The following ARSF variants were observed in gnomAD, a reference collection of about 807,000 sequenced individuals.
The protein encoded by ARSF is arylsulfatase F.
A neutral mutation model predicts 35.4 loss-of-function variants in ARSF; 33 were observed. The observed-to-expected ratio is 0.93, with a 90% CI of 0.71 to 1.25. The LOEUF (loss-of-function observed/expected upper bound fraction) is 1.25. ARSF is among the 50% of genes most tolerant of loss of function. ARSF has a pLI of 0.00. For missense variants in ARSF, 501 were observed against 480.2 expected, an observed-to-expected ratio of 1.04 and a Z score of -0.40; for synonymous variants, 222 against 193.1, an observed-to-expected ratio of 1.15 and a Z score of -1.24.
chrX:3,047,058 C>T (rs1162714723), intron 1 of ARSF, among the ~76,000 whole-genome samples: 1 of 111,303 alleles, frequency 9.0e-6, no homozygotes, highest in Admixed American at 9.5e-5. Context: ...GTGCGGCCCG[C>T]GGGCCGTGGA....
intron 7 of ARSF, among the ~76,000 whole-genome samples, chrX:3,099,458 C>T (rs926242979): frequency 9.0e-6 from 1 of 111,127 alleles, no homozygotes; most frequent in Non-Finnish European, 1.9e-5. Flanking sequence ...AATTCAAAGA[C>T]CTTGACATTT....
chrX:3,071,970 A>G (rs1465748132), intron 2 of ARSF, 56 bp from the exon 3 acceptor site: 1 of 1,173,011 alleles, frequency 8.5e-7, no homozygotes, highest in African/African-American at 1.8e-5. Flanking sequence ...TGGGAGGTGG[A>G]TCCTGAATCC....
At chrX:3,062,839 G>A (rs1329719334) in intron 1 of ARSF, among the ~76,000 whole-genome samples, 2 of 111,355 alleles carry the variant, frequency 1.8e-5, no homozygotes, top group Non-Finnish European at 3.8e-5. Flanking sequence ...AAAAGTCCAG[G>A]ACCAGATGGA....
chrX:3,091,874 T>C (rs969832921), intron 7 of ARSF, among the ~76,000 whole-genome samples: 7 of 110,252 alleles, frequency 6.3e-5, no homozygotes, highest in Non-Finnish European at 1.1e-4. Flanking sequence ...GATAGATAGA[T>C]GATAAATAGA....
At chrX:3,042,518 A>T (rs930291834) in intron 1 of ARSF, among the ~76,000 whole-genome samples, 10 of 111,047 alleles carry the variant, frequency 9.0e-5, no homozygotes, top group African/African-American at 3.3e-4. Flanking sequence ...ATTTTTTGAG[A>T]TGGAGCCTCG....
intron 1 of ARSF, among the ~76,000 whole-genome samples, chrX:3,066,462 C>A (rs950887234): frequency 9.0e-6 from 1 of 111,633 alleles, no homozygotes; most frequent in Non-Finnish European, 1.9e-5. Flanking sequence ...CTGCTATAGA[C>A]CATGAGGTCA....
rs771789596 is a variant in ARSF, at chrX:3,078,643, G to A, written c.283+1974G>A. Among the ~76,000 whole-genome samples the A allele has an allele frequency of 4.5e-5, 5 of 110,659 alleles. No individual in the cohort carries two copies. The South Asian group carries it at 1.2e-3, about 26-fold the overall frequency. On this transcript the variant is annotated intron_variant, in intron 4 of 10. Coordinates refer to ENST00000381127, the MANE Select transcript of ARSF (RefSeq NM_001201539.2). The stretch of plus-strand genomic sequence containing the variant: ...GCCTCCTGAGTAGCTGAGATTACAG[G>A]TACCCGCCACCATGCCCAGCTAATT...
At chrX:3,102,664 C>G (rs188283074) in intron 8 of ARSF, among the ~76,000 whole-genome samples, 1 of 112,221 alleles carries the variant, frequency 8.9e-6, no homozygotes, top group African/African-American at 3.2e-5. Context: ...CCTGTAATCC[C>G]AGCACTTTGG....
intron 1 of ARSF, among the ~76,000 whole-genome samples, chrX:3,047,489 A>AT (rs1358841136): frequency 9.0e-6 from 1 of 110,991 alleles, no homozygotes; most frequent in African/African-American, 3.3e-5. Context: ...GATATGCTTA[A>AT]TTTTTAAATG....
At chrX:3,061,471 A>G (rs1225309407) in intron 1 of ARSF, among the ~76,000 whole-genome samples, 1 of 111,804 alleles carries the variant, frequency 8.9e-6, no homozygotes, top group Non-Finnish European at 1.9e-5. Flanking sequence ...TTAAATGTAA[A>G]TGGGTTAACT....
chrX:3,055,342 C>CAAAAAAAAAAAAAAAAAAA (rs770014108), intron 1 of ARSF, among the ~76,000 whole-genome samples: 4 of 32,442 alleles, frequency 1.2e-4, no homozygotes, highest in Admixed American at 4.0e-4. Context: ...AACTCCATTT[C>CAAAAAAAAAAAAAAAAAAA]AAAAAAAAAA....
chrX:3,082,156 A>T (rs1289473255), intron 5 of ARSF, among the ~76,000 whole-genome samples: 1 of 111,152 alleles, frequency 9.0e-6, no homozygotes, highest in Non-Finnish European at 1.9e-5. Context: ...TGCTAGCAGG[A>T]CTCACAGGCA....
At chrX:3,093,027 G>GGGCA (rs1273123536) in intron 7 of ARSF, among the ~76,000 whole-genome samples, 1 of 106,357 alleles carries the variant, frequency 9.4e-6, no homozygotes, top group African/African-American at 3.9e-5. Flanking sequence ...AAACACATCC[G>GGGCA]TGGTGGCGGG....
In ARSF at chrX:3,076,646, C is replaced by T. The variant is rs749696836; in HGVS notation, c.260C>T (p.Thr87Met). Residue 87 changes from threonine (T) to methionine (M), a missense_variant, in exon 4 of 11, where the codon ACG becomes ATG. Thr to Met is a moderately conservative substitution (Grantham distance 81). Coordinates refer to ENST00000381127, the MANE Select transcript of ARSF (RefSeq NM_001201539.2). ...LCSPSRSAFL[T>M]GRYPIRSGMV... ...AGCCCAAGCCGGTCCGCGTTCTTGA[C>T]GGGAAGATACCCCATCCGATCAGGT... 2.5e-6 allele frequency: 3 copies of T among 1,211,594 alleles called. No individual in the cohort carries two copies. The highest frequency in any genetic ancestry group is 1.8e-5 in the South Asian group (1 of 56,897).
intron 10 of ARSF, among the ~76,000 whole-genome samples, chrX:3,111,228 T>C (rs1328633206): frequency 9.0e-6 from 1 of 111,164 alleles, no homozygotes; most frequent in Non-Finnish European, 1.9e-5. Flanking sequence ...TGGCTAAACT[T>C]TCATTTATAA....
At chrX:3,064,023 C>T (rs1022329072) in intron 1 of ARSF, among the ~76,000 whole-genome samples, 7 of 111,466 alleles carry the variant, frequency 6.3e-5, no homozygotes, top group South Asian at 7.6e-4. Flanking sequence ...AGAACAAAGC[C>T]GGAGGCACCA....
intron 9 of ARSF, among the ~76,000 whole-genome samples, chrX:3,105,073 A>C (rs2090403628): frequency 8.9e-6 from 1 of 112,223 alleles, no homozygotes; most frequent in African/African-American, 3.2e-5. Flanking sequence ...AAGGGAATCC[A>C]GATGGGTTAG....
upstream of ARSF, among the ~76,000 whole-genome samples, chrX:3,040,694 A>T (rs1490469242): frequency 6.3e-5 from 7 of 110,488 alleles, no homozygotes; most frequent in Non-Finnish European, 1.1e-4. Flanking sequence ...TCTCTGGGGG[A>T]TTGACTCCTG....
intron 8 of ARSF, 104 bp downstream of exon 8, chrX:3,101,325 A>G: frequency 2.1e-6 from 2 of 949,658 alleles, no homozygotes; most frequent in Non-Finnish European, 2.9e-6. Flanking sequence ...GAAAAACTGA[A>G]CAAGTTTGTT....
Sources: allele counts gnomAD v4.1 joint callset (sites outside exome capture counted in the v4.1 genomes callset), GRCh38; gene constraint gnomAD v4.1.1; transcripts MANE v1.5; gene names NCBI Gene and HGNC (gene_info 2026-07-23, HGNC 2026-07-21).